NLGN1: variants seen among roughly 807,000 people sequenced by gnomAD.
NLGN1 encodes neuroligin-1.
A neutral mutation model predicts 65.5 loss-of-function variants in NLGN1; 12 were observed. The observed-to-expected ratio is 0.18, with a 90% CI of 0.12 to 0.30. NLGN1 has a LOEUF of 0.30. NLGN1 is among the 10% of genes least tolerant of loss of function. The probability of loss-of-function intolerance (pLI) is 1.00; values close to 1 mark genes in which losing one functional copy is unlikely to be tolerated. For missense variants in NLGN1, 750 were observed against 1,007.1 expected, an observed-to-expected ratio of 0.74 and a Z score of 3.46; for synonymous variants, 350 against 359.5, an observed-to-expected ratio of 0.97 and a Z score of 0.30.
Position 173,624,539 on chromosome 3 carries a change from C to G in NLGN1, c.493+19448C>G, listed in dbSNP as rs1026391417. ...ATGAATTAAGGATACATTAAGGAGA[C>G]AATTTCTTCTTTATATTTAAGAAGA... is the stretch of plus-strand genomic sequence containing the variant. On this transcript the variant is annotated intron_variant, in intron 3 of 6. Transcript: ENST00000457714. 3.3e-5 allele frequency among the ~76,000 whole-genome samples: 5 copies of G among 152,216 alleles called. No individual in the cohort carries two copies. In the South Asian group the frequency reaches 1.0e-3, roughly 32 times the overall value.
At chr3:173,800,298 C>G in intron 3 of NLGN1, 2 of 1,191,686 alleles carry the variant, frequency 1.7e-6, no homozygotes, top group Non-Finnish European at 2.2e-6. Context: ...CCTAGGTCCC[C>G]TTACAAAGAA....
intron 4 of NLGN1, among the ~76,000 whole-genome samples, chr3:173,944,531 G>A (rs1164727649): frequency 6.6e-6 from 1 of 152,036 alleles, no homozygotes; most frequent in Non-Finnish European, 1.5e-5. Context: ...CCTAAACCTA[G>A]GATGTTTGCC....
intron 4 of NLGN1, among the ~76,000 whole-genome samples, chr3:173,999,139 T>G (rs1722814106): frequency 6.6e-6 from 1 of 152,154 alleles, no homozygotes; most frequent in African/African-American, 2.4e-5. Flanking sequence ...CTCCATAAAA[T>G]AACCTCTTTG....
chr3:173,773,486 A>C (rs887018090), intron 3 of NLGN1, among the ~76,000 whole-genome samples: 1 of 152,142 alleles, frequency 6.6e-6, no homozygotes, highest in Non-Finnish European at 1.5e-5. Context: ...GTTGTTATTC[A>C]TATGTCGTTT....
chr3:173,640,020 C>G (rs1192237397), intron 3 of NLGN1, among the ~76,000 whole-genome samples: 1 of 151,992 alleles, frequency 6.6e-6, no homozygotes, highest in East Asian at 1.9e-4. Flanking sequence ...CTGCAATATT[C>G]TAATTCATTA....
At chr3:173,401,309 A>C (rs563218986) in intron 1 of NLGN1, among the ~76,000 whole-genome samples, 1 of 151,872 alleles carries the variant, frequency 6.6e-6, no homozygotes, top group African/African-American at 2.4e-5. Flanking sequence ...CAGGCTCAGA[A>C]GTTTTGCTCT....
chr3:174,165,788 A>T (rs550734895), intron 4 of NLGN1, among the ~76,000 whole-genome samples: 1 of 151,806 alleles, frequency 6.6e-6, no homozygotes, highest in Admixed American at 6.6e-5. Flanking sequence ...GCTCTTCCTT[A>T]TATTTCTGGT....
intron 2 of NLGN1, among the ~76,000 whole-genome samples, chr3:173,439,055 CTT>C (rs1464596432): frequency 6.6e-6 from 1 of 152,146 alleles, no homozygotes; most frequent in African/African-American, 2.4e-5. Context: ...AAATTCCTCT[CTT>C]GGATATTAGC....
intron 4 of NLGN1, among the ~76,000 whole-genome samples, chr3:174,245,403 AC>A (rs1743610215): frequency 6.6e-6 from 1 of 152,258 alleles, no homozygotes; most frequent in Non-Finnish European, 1.5e-5. Context: ...ATCCTACTTT[AC>A]CCATCCTAAA....
chr3:173,980,440 G>A (rs934779204), intron 4 of NLGN1, among the ~76,000 whole-genome samples: 5 of 152,000 alleles, frequency 3.3e-5, no homozygotes, highest in Non-Finnish European at 7.4e-5. Context: ...TGCAGAAAAT[G>A]TCACTGGGTT....
intron 4 of NLGN1, among the ~76,000 whole-genome samples, chr3:174,095,659 T>G (rs1398886652): frequency 6.6e-6 from 1 of 152,088 alleles, no homozygotes; most frequent in Non-Finnish European, 1.5e-5. Flanking sequence ...TAAATGCGTG[T>G]GTATAGATAC....
intron 2 of NLGN1, among the ~76,000 whole-genome samples, chr3:173,578,722 T>C (rs774921010): frequency 1.3e-5 from 2 of 152,184 alleles, no homozygotes; most frequent in South Asian, 2.1e-4. Flanking sequence ...CTATACTACA[T>C]TGCAATGTCA....
intron 4 of NLGN1, among the ~76,000 whole-genome samples, chr3:174,204,684 G>A (rs774655479): frequency 2.6e-5 from 4 of 152,312 alleles, no homozygotes; most frequent in South Asian, 2.1e-4. Flanking sequence ...TGGTCTTTCC[G>A]TGACTAATGC....
At chr3:174,002,054 T>A (rs866077118) in intron 4 of NLGN1, among the ~76,000 whole-genome samples, 1,595 of 128,050 alleles carry the variant, frequency 0.012, 31 homozygotes, top group African/African-American at 0.037. Flanking sequence ...TAGACAGATT[T>A]AAAAAAAAAA....
At chr3:174,068,287 G>C in intron 4 of NLGN1, among the ~76,000 whole-genome samples, 1 of 152,106 alleles carries the variant, frequency 6.6e-6, no homozygotes, top group East Asian at 1.9e-4. Context: ...CCATAGGAAA[G>C]CTTCAGGTCT....
chr3:173,577,405 A>G (rs1291136679), intron 2 of NLGN1, among the ~76,000 whole-genome samples: 2 of 152,192 alleles, frequency 1.3e-5, no homozygotes, highest in East Asian at 1.9e-4. Context: ...TATGTAAACA[A>G]CTATGTCTGA....
chr3:174,212,230 C>T (rs1323994645), intron 4 of NLGN1, among the ~76,000 whole-genome samples: 6 of 152,214 alleles, frequency 3.9e-5, no homozygotes, highest in Non-Finnish European at 8.8e-5. Flanking sequence ...AAGCCCCTCA[C>T]TGTCCGGGGC....
chr3:174,292,405 C>G, the NLGN1 span, among the ~76,000 whole-genome samples: 1 of 151,190 alleles, frequency 6.6e-6, no homozygotes, highest in Non-Finnish European at 1.5e-5. Flanking sequence ...ACAGAGGAAC[C>G]AATACAAAGA....
At chr3:173,933,487 G>T (rs768926115) in intron 4 of NLGN1, among the ~76,000 whole-genome samples, 1 of 152,092 alleles carries the variant, frequency 6.6e-6, no homozygotes, top group Non-Finnish European at 1.5e-5. Context: ...GGCCAGAGGG[G>T]TATCTATCTT....
Sources: gnomAD v4.1 joint callset for allele counts (sites outside exome capture counted in the v4.1 genomes callset) on GRCh38, gnomAD v4.1.1 for gene constraint, MANE v1.5 for transcripts, NCBI Gene and HGNC (gene_info 2026-07-23, HGNC 2026-07-21) for gene names.